The following AFF1 variants were observed in gnomAD, a reference collection of about 807,000 sequenced individuals.
AFF1 encodes the protein AF4/FMR2 family member 1.
In AFF1, 48 loss-of-function variants were observed where a neutral mutation model predicts 121.7. That is an observed-to-expected ratio of 0.39 (90% CI 0.31 to 0.50). AFF1 has a LOEUF of 0.50. Ranked by LOEUF, AFF1 falls within the 20% of genes least tolerant of loss-of-function variation. AFF1 has a pLI of 0.76. For missense variants in AFF1, 1,523 were observed against 1,511.7 expected (o/e 1.01, Z -0.12); for synonymous variants, 613 against 563.0 (o/e 1.09, Z -1.26).
rs763100449 is a variant in AFF1 at position 87,126,144 on chromosome 4, C to T, written c.2619C>T (p.Pro873=). ...SSQSSKKEML[P]PPPVSSSSQK... ...AGTCCTCAAAGAAGGAAATGCTCCC[C>T]CCGCCACCCGTGTCCTCGTCCTCCC... The change falls in exon 14 of 21, where the codon CCC becomes CCT. Residue 873 remains proline, a synonymous_variant. Transcript: ENST00000395146. 1.4e-5 allele frequency: 22 copies of T among 1,614,174 alleles called. No individual in the cohort carries two copies. The highest frequency in any genetic ancestry group is 2.2e-5 in the East Asian group (1 of 44,882).
intron 2 of AFF1, among the ~76,000 whole-genome samples, chr4:86,953,090 G>T (rs900581155): frequency 6.6e-6 from 1 of 151,896 alleles, no homozygotes; most frequent in Non-Finnish European, 1.5e-5. Context: ...ATTAAGTTTG[G>T]ATGGGTAACT....
intron 2 of AFF1, among the ~76,000 whole-genome samples, chr4:86,977,462 C>A (rs946530147): frequency 5.9e-5 from 9 of 152,164 alleles, no homozygotes; most frequent in African/African-American, 2.2e-4. Flanking sequence ...AGTGAAACTG[C>A]AGATAAGGGG....
intron 2 of AFF1, among the ~76,000 whole-genome samples, chr4:86,987,596 A>C (rs1724388057): frequency 6.6e-6 from 1 of 152,176 alleles, no homozygotes; most frequent in Admixed American, 6.5e-5. Flanking sequence ...AGCAATAACC[A>C]CCAGAGAGTA....
Position 87,137,017 on chromosome 4 carries a change from A to AT in AFF1, c.*1320dup, listed in dbSNP as rs1393043659. 10 of 223,566 alleles carry AT rather than the reference A, an allele frequency of 4.5e-5. No homozygotes were observed. The highest frequency in any genetic ancestry group is 7.2e-5 in the Non-Finnish European group (8 of 111,798). 13.8% of individuals were successfully genotyped at this position (223,566 alleles called of 1,614,324 possible). A position where few individuals can be genotyped will look rare whatever the true frequency, so the allele number is the denominator to read the frequency against. ...ATAGTGTATGCATTAAACCAAGTCC[A>AT]TTTTGAATGACCTAAAATGAAGTAA... On this transcript the variant is annotated 3_prime_UTR_variant, in exon 21 of 21. Transcript: ENST00000395146.
chr4:87,049,538 G>C, intron 4 of AFF1: 2 of 397,198 alleles, frequency 5.0e-6, no homozygotes, highest in Non-Finnish European at 1.0e-5. Flanking sequence ...GTTTTCTGAG[G>C]AACAAAATCC....
chr4:87,031,926 G>T (rs1371309416), intron 2 of AFF1, among the ~76,000 whole-genome samples: 1 of 152,186 alleles, frequency 6.6e-6, no homozygotes, highest in Non-Finnish European at 1.5e-5. Flanking sequence ...GTTGGCTGAA[G>T]GTTAGAGGGA....
chr4:87,060,460 CT>C (rs1386832821), intron 4 of AFF1, among the ~76,000 whole-genome samples: 1 of 152,082 alleles, frequency 6.6e-6, no homozygotes, highest in Non-Finnish European at 1.5e-5. Flanking sequence ...GAAGGAATCA[CT>C]TTTTTGGGAA....
chr4:86,991,223 T>A (rs1030459223), intron 2 of AFF1, among the ~76,000 whole-genome samples: 2 of 151,858 alleles, frequency 1.3e-5, no homozygotes, highest in African/African-American at 2.4e-5. Flanking sequence ...GGCAGGCGGA[T>A]CACGAGATCA....
intron 4 of AFF1, among the ~76,000 whole-genome samples, chr4:87,062,776 C>T (rs897639582): frequency 6.6e-6 from 1 of 152,024 alleles, no homozygotes; most frequent in Non-Finnish European, 1.5e-5. Flanking sequence ...CAGGTGGGTA[C>T]TTATTTATAA....
chr4:87,090,445 G>A (rs555742708), intron 6 of AFF1, among the ~76,000 whole-genome samples: 1 of 152,264 alleles, frequency 6.6e-6, no homozygotes, highest in African/African-American at 2.4e-5. Flanking sequence ...ACATTTTCTT[G>A]AGTTTAATGT....
intron 5 of AFF1, among the ~76,000 whole-genome samples, chr4:87,086,667 A>G (rs1723767074): frequency 6.6e-6 from 1 of 152,118 alleles, no homozygotes; most frequent in Non-Finnish European, 1.5e-5. Context: ...CTCATTGGTA[A>G]AATGAAGGCC....
intron 1 of AFF1, chr4:86,936,168 C>G (rs1020079220): frequency 6.6e-6 from 1 of 152,216 alleles, no homozygotes; most frequent in African/African-American, 2.4e-5. Context: ...CTCCCTTGAA[C>G]CAGTCTCTGT....
intron 4 of AFF1, among the ~76,000 whole-genome samples, chr4:87,080,137 A>G (rs898990370): frequency 6.6e-6 from 1 of 152,158 alleles, no homozygotes; most frequent in African/African-American, 2.4e-5. Flanking sequence ...ACAGGAAGCC[A>G]GATGTGTGAG....
rs180994823 is a variant in AFF1, at chr4:87,059,903, C to T, written c.1059+12309C>T. ...ATGCTTGTTTGTCCTTTGTGTTTAG[C>T]ACAGGTGAGAACTGGAGCCAAATGG... On this transcript the variant is annotated intron_variant, in intron 4 of 20. Transcript: ENST00000395146. 4.3e-4 allele frequency among the ~76,000 whole-genome samples: 65 copies of T among 152,324 alleles called. No individual in the cohort carries two copies. The East Asian group carries it at 0.011, about 25-fold the overall frequency.
chr4:87,046,335 A>G (rs1440647946), intron 3 of AFF1, 49 bp downstream of exon 3: 1 of 1,593,350 alleles, frequency 6.3e-7, no homozygotes. Flanking sequence ...CACAATGTTG[A>G]ACCCTATGAT....
chr4:87,095,035 C>A, intron 8 of AFF1, 66 bp downstream of exon 8: 1 of 1,441,734 alleles, frequency 6.9e-7, no homozygotes, highest in Non-Finnish European at 9.7e-7. Flanking sequence ...CATGTCAATG[C>A]ATTGCTTAGA....
chr4:87,022,307 T>A (rs1578082327), intron 2 of AFF1, among the ~76,000 whole-genome samples: 1 of 151,716 alleles, frequency 6.6e-6, no homozygotes, highest in Non-Finnish European at 1.5e-5. Flanking sequence ...TTTTATACAT[T>A]GTGCTAGGAG....
At chr4:87,010,948 G>A (rs920326754) in intron 2 of AFF1, among the ~76,000 whole-genome samples, 18 of 152,052 alleles carry the variant, frequency 1.2e-4, no homozygotes, top group Non-Finnish European at 1.2e-4. Flanking sequence ...GTGCGGTGGC[G>A]GGCGCCTGTA....
rs1301453139 is a variant in AFF1 at position 87,010,751 on chromosome 4, AAT to A, written c.39-35411_39-35410del. ...CAGATCCCTGAATTCTAGAAAGGAA[AAT>A]ATACATACCTTCAAATACTATCAGG... On this transcript the variant is annotated intron_variant, in intron 2 of 20. Coordinates refer to ENST00000395146, the MANE Select transcript of AFF1 (RefSeq NM_001166693.3). Among the ~76,000 whole-genome samples, 6 of 152,266 alleles carry A rather than the reference AAT, an allele frequency of 3.9e-5. No homozygotes were observed. The East Asian group carries it at 1.2e-3, about 29-fold the overall frequency.
Sources: allele counts gnomAD v4.1 joint callset (sites outside exome capture counted in the v4.1 genomes callset), GRCh38; gene constraint gnomAD v4.1.1; transcripts MANE v1.5; gene names NCBI Gene and HGNC (gene_info 2026-07-23, HGNC 2026-07-21).